Variants in MAP2K5 observed in about 807,000 individuals in gnomAD.
The protein encoded by MAP2K5 is mitogen-activated protein kinase kinase 5, also known as dual specificity mitogen-activated protein kinase kinase 5.
In MAP2K5, 49 loss-of-function variants were observed where a neutral mutation model predicts 83.1. The ratio of observed to expected loss-of-function variants is 0.59; its 90% CI spans 0.47 to 0.75. The LOEUF is 0.75. MAP2K5 is among the 30% of genes least tolerant of loss of function. The probability of loss-of-function intolerance (pLI) is 0.00; values close to 1 mark genes in which losing one functional copy is unlikely to be tolerated. For synonymous variants in MAP2K5, 202 were observed against 191.8 expected, an observed-to-expected ratio of 1.05 and a Z score of -0.44; for missense variants, 457 against 557.5, an observed-to-expected ratio of 0.82 and a Z score of 1.82.
chr15:67,693,716 A>G (rs2088173423), intron 15 of MAP2K5, 148 bp downstream of exon 15: 2 of 609,346 alleles, frequency 3.3e-6, no homozygotes, highest in East Asian at 5.9e-5. Flanking sequence ...TGATTTTTAA[A>G]TCTTTCTAAA....
At chr15:67,714,204 A>G (rs527662184) in intron 16 of MAP2K5, among the ~76,000 whole-genome samples, 1 of 152,138 alleles carries the variant, frequency 6.6e-6, no homozygotes, top group Non-Finnish European at 1.5e-5. Context: ...GATTAGAAAT[A>G]TATTCAATAT....
Position 67,786,511 on chromosome 15 carries a change from A to C in MAP2K5, c.1242+13759A>C, listed in dbSNP as rs1444985232. 6.6e-6 allele frequency among the ~76,000 whole-genome samples: 1 copy of C among 152,254 alleles called. No individual in the cohort carries two copies. The highest frequency in any genetic ancestry group is 1.5e-5 in the Non-Finnish European group (1 of 68,050). On this transcript the variant is annotated intron_variant, in intron 21 of 21. Transcript: ENST00000178640. The surrounding 1 kb of genome is among the most constrained non-coding windows in gnomAD (Gnocchi z 4.7). ...CCTATGTCTCAGGAGCAGACTAGAC[A>C]TGCCCATTGGCAACATTTAGAGAAG...
At chr15:67,567,499 G>A (rs2084865131) in intron 3 of MAP2K5, among the ~76,000 whole-genome samples, 1 of 151,738 alleles carries the variant, frequency 6.6e-6, no homozygotes, top group African/African-American at 2.4e-5. Flanking sequence ...CGAGTAGCTG[G>A]GACTACAGGC....
chr15:67,696,031 G>A (rs1200910084), intron 15 of MAP2K5, among the ~76,000 whole-genome samples: 1 of 152,092 alleles, frequency 6.6e-6, no homozygotes, highest in East Asian at 1.9e-4. Context: ...GTAAGGTTGG[G>A]GGTGGGGGGA....
chr15:67,733,386 A>G (rs1419211601), intron 17 of MAP2K5, among the ~76,000 whole-genome samples: 1 of 152,238 alleles, frequency 6.6e-6, no homozygotes, highest in East Asian at 1.9e-4. Flanking sequence ...ATAAGATGAT[A>G]AGTAGTAAAA....
At position 67,577,231 on chromosome 15, in the gene MAP2K5, G is replaced by A. The variant is rs2589978; in HGVS notation, c.253-3523G>A. Among the ~76,000 whole-genome samples the A allele has an allele frequency of 0.16, 24,750 of 152,076 alleles. 2,773 individuals are homozygous for A. Among genetic ancestry groups the A allele is most frequent in the African/African-American group, 0.31 (12,939 of 41,442 alleles). ...ATTACAGGCGTGAGCCACCGTGCCC[G>A]GCCAGTAACCCTATATATTAGGGTA... is the stretch of plus-strand genomic sequence containing the variant. On this transcript the variant is annotated intron_variant, in intron 3 of 21. Coordinates refer to ENST00000178640, the MANE Select transcript of MAP2K5 (RefSeq NM_145160.3). This position sits in a 1 kb window ranked among gnomAD's most constrained non-coding sequence, Gnocchi z 4.1.
At position 67,638,198 on chromosome 15, in the gene MAP2K5, T is replaced by C. The variant is rs1259183678; in HGVS notation, c.585+7271T>C. Among the ~76,000 whole-genome samples the C allele has an allele frequency of 6.6e-6, 1 of 152,158 alleles. No homozygotes were observed. The highest frequency in any genetic ancestry group is 1.9e-4 in the East Asian group (1 of 5,190). On this transcript the variant is annotated intron_variant, in intron 9 of 21. Coordinates refer to ENST00000178640, the MANE Select transcript of MAP2K5 (RefSeq NM_145160.3). The surrounding 1 kb of genome is among the most constrained non-coding windows in gnomAD (Gnocchi z 4.5). The stretch of plus-strand genomic sequence containing the variant: ...TATTAAGCCTAGTACCTATTAGTTA[T>C]TTTTCCTGATCATCTCCCCACTTCA...
intron 13 of MAP2K5, among the ~76,000 whole-genome samples, chr15:67,679,220 C>T (rs942534958): frequency 5.3e-5 from 8 of 152,104 alleles, no homozygotes; most frequent in African/African-American, 1.7e-4. Context: ...TCTTGAGGCT[C>T]TGGCCTTTAT....
chr15:67,591,781 G>C (rs559689945), intron 6 of MAP2K5, among the ~76,000 whole-genome samples: 67 of 152,052 alleles, frequency 4.4e-4, no homozygotes, highest in African/African-American at 1.6e-3. Context: ...AAAGCTAGAT[G>C]ACTTAAGAGC....
Position 67,587,901 on chromosome 15 carries a change from C to T in MAP2K5, c.431+988C>T, listed in dbSNP as rs1035164130. 6.6e-5 allele frequency among the ~76,000 whole-genome samples: 10 copies of T among 152,288 alleles called. No individual in the cohort carries two copies. The highest frequency in any genetic ancestry group is 1.9e-4 in the African/African-American group (8 of 41,564). ...GGGTTCTACCTTCTGAGTAGCTCTG[C>T]GTCTTTCTACTCGCCAGCATCCCTG... On this transcript the variant is annotated intron_variant, in intron 6 of 21. Transcript: ENST00000178640. The surrounding 1 kb of genome is among the most constrained non-coding windows in gnomAD (Gnocchi z 4.8).
intron 17 of MAP2K5, among the ~76,000 whole-genome samples, chr15:67,739,021 T>G (rs925063208): frequency 6.6e-6 from 1 of 152,086 alleles, no homozygotes; most frequent in African/African-American, 2.4e-5. Context: ...AGCTCAAACC[T>G]GTAATCCTAG....
intron 13 of MAP2K5, among the ~76,000 whole-genome samples, chr15:67,675,758 A>G (rs1257958303): frequency 6.6e-6 from 1 of 152,204 alleles, no homozygotes; most frequent in Non-Finnish European, 1.5e-5. Flanking sequence ...GGTCAGCTTA[A>G]TCAGAGAAGG....
intron 13 of MAP2K5, among the ~76,000 whole-genome samples, chr15:67,670,665 T>C (rs980666435): frequency 6.6e-6 from 1 of 151,910 alleles, no homozygotes; most frequent in African/African-American, 2.4e-5. Context: ...TGACAAATCC[T>C]ACCTAGGTTT....
intron 8 of MAP2K5, among the ~76,000 whole-genome samples, chr15:67,606,843 A>G (rs2085787840): frequency 6.6e-6 from 1 of 152,232 alleles, no homozygotes; most frequent in Admixed American, 6.5e-5. Context: ...GAATATTTCA[A>G]AACATGGAAT....
Position 67,703,387 on chromosome 15 carries a change from C to T in MAP2K5, c.1023C>T (p.Ser341=), listed in dbSNP as rs2088469410. ...ATGGAATTCATTCTGATGTCTGGAG[C>T]TTAGGAATCTCTTTTATGGAGGTAC... The part of the protein sequence containing the change: ...EQYGIHSDVW[S]LGISFMELAL... The change falls in exon 16 of 22, where the codon AGC becomes AGT. Residue 341 remains serine (S), a synonymous_variant. Coordinates refer to ENST00000178640, the MANE Select transcript of MAP2K5 (RefSeq NM_145160.3). The T allele has an allele frequency of 6.2e-7, 1 of 1,613,582 alleles. No individual in the cohort carries two copies. The highest frequency in any genetic ancestry group is 8.5e-7 in the Non-Finnish European group (1 of 1,179,586).
At chr15:67,756,515 CTGTGTGTGTGTGTGTG>C (rs200627656) in intron 19 of MAP2K5, among the ~76,000 whole-genome samples, 133 of 131,588 alleles carry the variant, frequency 1.0e-3, no homozygotes, top group East Asian at 8.4e-3. Flanking sequence ...CACACAGTTA[CTGTGTGTGTGTGTGTG>C]TGTGTGTGTG....
Position 67,782,095 on chromosome 15 carries a change from C to G in MAP2K5, c.1242+9343C>G, listed in dbSNP as rs779129149. On this transcript the variant is annotated intron_variant, in intron 21 of 21. Coordinates refer to ENST00000178640, the MANE Select transcript of MAP2K5 (RefSeq NM_145160.3). This position sits in a 1 kb window ranked among gnomAD's most constrained non-coding sequence, Gnocchi z 4.9. ...TGGAGCAGCAGTCATTGTGGAAGAG[C>G]CTTTTAGCACCTTTGTTGTAGCCAT... Among the ~76,000 whole-genome samples the G allele has an allele frequency of 1.3e-5, 2 of 152,152 alleles. No homozygotes were observed. The highest frequency in any genetic ancestry group is 6.5e-5 in the Admixed American group (1 of 15,272).
At position 67,543,173 on chromosome 15, in the gene MAP2K5, T is replaced by C. The variant is rs3743354; in HGVS notation, c.-163T>C. Reference sequence around the variant, plus strand: ...GGCAGGCTCGGTGCCTGCGGGTGCGTTCCTGATCACCCCTCCCCTCTTCCC... The same window carrying C: ...GGCAGGCTCGGTGCCTGCGGGTGCGCTCCTGATCACCCCTCCCCTCTTCCC... On this transcript the variant is annotated 5_prime_UTR_variant, in exon 1 of 22. Transcript: ENST00000178640. The surrounding 1 kb of genome is among the most constrained non-coding windows in gnomAD (Gnocchi z 4.3). 0.11 allele frequency: 77,235 copies of C among 690,032 alleles called. 5,501 individuals carry two copies. Among genetic ancestry groups the C allele is most frequent in the African/African-American group, 0.26 (14,447 of 55,832 alleles). 42.7% of individuals were successfully genotyped at this position (690,032 alleles called of 1,614,324 possible). A position where few individuals can be genotyped will look rare whatever the true frequency, so the allele number is the denominator to read the frequency against.
In MAP2K5 at chr15:67,563,272, C is replaced by T; in HGVS notation, c.185-11C>T. 3 of 1,608,566 alleles carry T rather than the reference C, an allele frequency of 1.9e-6. No individual in the cohort carries two copies. Among genetic ancestry groups the T allele is most frequent in the Non-Finnish European group, 2.5e-6 (3 of 1,178,218 alleles). ...CACACCTTATCATTTGCATTATGTG[C>T]TTTTAAACAGATGAAGATGAAGATG... On this transcript the variant is annotated splice_polypyrimidine_tract_variant and intron_variant, in intron 2 of 21. Transcript: ENST00000178640. The surrounding 1 kb of genome is among the most constrained non-coding windows in gnomAD (Gnocchi z 4.5).
Sources: allele counts gnomAD v4.1 joint callset (sites outside exome capture counted in the v4.1 genomes callset), GRCh38; gene constraint gnomAD v4.1.1; non-coding constraint Gnocchi (gnomAD v3.1); transcripts MANE v1.5; gene names NCBI Gene and HGNC (gene_info 2026-07-23, HGNC 2026-07-21).